The following LDLRAD4 variants were observed in gnomAD, a reference collection of about 807,000 sequenced individuals.
LDLRAD4 encodes the protein low-density lipoprotein receptor class A domain-containing protein 4.
A neutral mutation model predicts 17.0 loss-of-function variants in LDLRAD4; 5 were observed. That is an observed-to-expected ratio of 0.29 (90% CI 0.15 to 0.62). The LOEUF is 0.62. LDLRAD4 is among the 20% of genes least tolerant of loss of function. The pLI is 0.84. For missense variants in LDLRAD4, 340 were observed against 424.7 expected (o/e 0.80, Z 1.75); for synonymous variants, 168 against 171.8 (o/e 0.98, Z 0.17).
At chr18:13,248,976 A>T (rs932712622) in intron 1 of LDLRAD4, among the ~76,000 whole-genome samples, 1 of 152,202 alleles carries the variant, frequency 6.6e-6, no homozygotes, top group Non-Finnish European at 1.5e-5. Context: ...TTTTTACAGC[A>T]TCCACACATG....
chr18:13,328,107 GT>G (rs1414243400), intron 1 of LDLRAD4, among the ~76,000 whole-genome samples: 1 of 152,108 alleles, frequency 6.6e-6, no homozygotes, highest in Non-Finnish European at 1.5e-5. Flanking sequence ...CCTCCCTTTT[GT>G]GGTTTTGACC....
intron 3 of LDLRAD4, among the ~76,000 whole-genome samples, chr18:13,513,447 T>G (rs565022470): frequency 6.6e-6 from 1 of 152,194 alleles, no homozygotes. Context: ...CATACTTATA[T>G]AGTTAAGAAG....
chr18:13,366,972 A>G (rs150307359), intron 1 of LDLRAD4, among the ~76,000 whole-genome samples: 8 of 152,326 alleles, frequency 5.3e-5, no homozygotes, highest in Non-Finnish European at 1.2e-4. Context: ...AATACATAAA[A>G]CTAGGGAATC....
At chr18:13,463,219 T>C (rs1180705229) in intron 3 of LDLRAD4, among the ~76,000 whole-genome samples, 2 of 152,192 alleles carry the variant, frequency 1.3e-5, no homozygotes, top group African/African-American at 2.4e-5. Flanking sequence ...GTTGGCCTTA[T>C]GGGATGGGTG....
chr18:13,283,746 G>A (rs528840433), intron 1 of LDLRAD4, among the ~76,000 whole-genome samples: 3 of 152,284 alleles, frequency 2.0e-5, no homozygotes, highest in East Asian at 3.9e-4. Flanking sequence ...CTTTTCAGCA[G>A]TGCTCCACTC....
At chr18:13,476,449 A>AC (rs960447560) in intron 3 of LDLRAD4, among the ~76,000 whole-genome samples, 1 of 151,708 alleles carries the variant, frequency 6.6e-6, no homozygotes, top group South Asian at 2.1e-4. Flanking sequence ...ATGTAGCAAG[A>AC]CCCCACCTCT....
Position 13,580,606 on chromosome 18 carries a change from G to A in LDLRAD4, c.182-40511G>A, listed in dbSNP as rs76954417. Among the ~76,000 whole-genome samples, 591 of 152,244 alleles carry A rather than the reference G, an allele frequency of 3.9e-3. 2 individuals are homozygous for A. Among genetic ancestry groups the A allele is most frequent in the African/African-American group, 0.014 (562 of 41,522 alleles). On this transcript the variant is annotated intron_variant, in intron 3 of 5. Coordinates refer to ENST00000359446, the Ensembl canonical transcript of LDLRAD4. ...TGCTGGAATGTGCAGGCGATGGCAC[G>A]GTGGCCACTGCTGACAGAGGCACAG...
chr18:13,644,932 GGTCT>G, intron 5 of LDLRAD4, 191 bp from the exon 7 acceptor site: 2 of 577,418 alleles, frequency 3.5e-6, no homozygotes, highest in Non-Finnish European at 6.1e-6. Context: ...CAAGGTGAGT[GGTCT>G]GTCATAAGGA....
intron 2 of LDLRAD4, among the ~76,000 whole-genome samples, chr18:13,424,898 C>G (rs1459688027): frequency 1.3e-5 from 2 of 152,138 alleles, no homozygotes; most frequent in Non-Finnish European, 2.9e-5. Context: ...GGCACGTATG[C>G]CTCGCTAATA....
At position 13,622,861 on chromosome 18, in the gene LDLRAD4, C is replaced by G. The variant is rs2040780353; in HGVS notation, c.336+1590C>G. 6.6e-6 allele frequency among the ~76,000 whole-genome samples: 1 copy of G among 152,198 alleles called. No individual in the cohort carries two copies. Among genetic ancestry groups the G allele is most frequent in the Admixed American group, 6.5e-5 (1 of 15,288 alleles). On this transcript the variant is annotated intron_variant, in intron 4 of 5. Transcript: ENST00000359446. This position sits in a 1 kb window ranked among gnomAD's most constrained non-coding sequence, Gnocchi z 5.3. ...TGGACTTGGTGGAAACAAGCACAGCCTTCCTTGGCCTTCTCTCCAGGAGCT... is the reference window on the plus strand; with the variant it reads ...TGGACTTGGTGGAAACAAGCACAGCGTTCCTTGGCCTTCTCTCCAGGAGCT...
At chr18:13,549,174 G>A (rs972283254) in intron 3 of LDLRAD4, among the ~76,000 whole-genome samples, 4 of 152,322 alleles carry the variant, frequency 2.6e-5, no homozygotes, top group Admixed American at 2.0e-4. Context: ...GTGTAAAGAT[G>A]AGAAATATTT....
chr18:13,589,744 G>A (rs980160377), intron 3 of LDLRAD4, among the ~76,000 whole-genome samples: 3 of 152,188 alleles, frequency 2.0e-5, no homozygotes, highest in Non-Finnish European at 4.4e-5. Context: ...AAGTCTAAAG[G>A]AGAGAAGCAG....
intron 3 of LDLRAD4, among the ~76,000 whole-genome samples, chr18:13,580,298 G>A (rs1451672699): frequency 6.6e-6 from 1 of 152,168 alleles, no homozygotes. Context: ...CACAGCTGTG[G>A]TCACCCCACC....
chr18:13,326,381 A>C (rs2081538490), intron 1 of LDLRAD4, among the ~76,000 whole-genome samples: 1 of 152,172 alleles, frequency 6.6e-6, no homozygotes, highest in South Asian at 2.1e-4. Context: ...GTTTGAAGAG[A>C]AAAAAGGGCG....
intron 1 of LDLRAD4, among the ~76,000 whole-genome samples, chr18:13,268,557 C>T (rs1300885072): frequency 6.6e-6 from 1 of 152,222 alleles, no homozygotes; most frequent in African/African-American, 2.4e-5. Flanking sequence ...GCCAGCGTTT[C>T]CCCTCTTGGC....
At chr18:13,430,804 C>A (rs996522769) in intron 2 of LDLRAD4, among the ~76,000 whole-genome samples, 1 of 152,226 alleles carries the variant, frequency 6.6e-6, no homozygotes, top group African/African-American at 2.4e-5. Flanking sequence ...GGCCTGCAGG[C>A]TCCCTAGGCC....
exon 2 of LDLRAD4, chr18:13,387,540 C>G: frequency 1.7e-6 from 1 of 573,272 alleles, no homozygotes; most frequent in East Asian, 3.2e-5. Context: ...CGCCCAGGTG[C>G]CACACCCAGG....
At chr18:13,612,812 C>T (rs776299275) in intron 3 of LDLRAD4, 1 of 1,612,778 alleles carries the variant, frequency 6.2e-7, no homozygotes, top group Non-Finnish European at 8.5e-7. Flanking sequence ...GATGCATGCT[C>T]TTTCGGGTTT....
chr18:13,641,360 A>T (rs550093723), intron 4 of LDLRAD4, among the ~76,000 whole-genome samples: 3 of 152,362 alleles, frequency 2.0e-5, no homozygotes, highest in Admixed American at 6.5e-5. Flanking sequence ...TGATGAATGG[A>T]TAAGTTGGAT....
Sources: gnomAD v4.1 joint callset for allele counts (sites outside exome capture counted in the v4.1 genomes callset) on GRCh38, gnomAD v4.1.1 for gene constraint, Gnocchi (gnomAD v3.1) non-coding constraint, MANE v1.5 for transcripts, NCBI Gene and HGNC (gene_info 2026-07-23, HGNC 2026-07-21) for gene names.